HERC3: variants seen among roughly 807,000 people sequenced by gnomAD.
HERC3 encodes the protein probable E3 ubiquitin-protein ligase HERC3.
HERC3 carries 58 observed loss-of-function variants against 129.9 expected under a neutral mutation model. That is an observed-to-expected ratio of 0.45 (90% CI 0.36 to 0.56). HERC3 has a LOEUF of 0.56. Ranked by LOEUF, HERC3 falls within the 20% of genes least tolerant of loss-of-function variation. The probability of loss-of-function intolerance (pLI) is 0.00; values close to 1 mark genes in which losing one functional copy is unlikely to be tolerated. For synonymous variants in HERC3, 430 were observed against 451.0 expected (o/e 0.95, Z 0.59); for missense variants, 835 against 1,244.2 (o/e 0.67, Z 4.95).
the HERC3 span, among the ~76,000 whole-genome samples, chr4:88,570,388 G>A: frequency 6.6e-6 from 1 of 152,130 alleles, no homozygotes; most frequent in Non-Finnish European, 1.5e-5. Flanking sequence ...CTTAGTCAGA[G>A]GTTTACTATC....
intron 3 of HERC3, among the ~76,000 whole-genome samples, chr4:88,610,485 G>A (rs1023771512): frequency 7.4e-5 from 11 of 148,664 alleles, no homozygotes; most frequent in African/African-American, 1.7e-4. Flanking sequence ...CGCCTTACCC[G>A]TCTGGGAATA....
intron 3 of HERC3, among the ~76,000 whole-genome samples, chr4:88,613,191 C>T (rs1178194001): frequency 6.6e-6 from 1 of 152,182 alleles, no homozygotes; most frequent in Non-Finnish European, 1.5e-5. Context: ...TAATTTGACT[C>T]TGCTAAATTT....
intron 3 of HERC3, among the ~76,000 whole-genome samples, chr4:88,631,166 T>TA (rs1212623790): frequency 2.6e-5 from 4 of 152,168 alleles, no homozygotes; most frequent in Non-Finnish European, 5.9e-5. Flanking sequence ...AACTGAGAGG[T>TA]ACTACTCTGG....
At chr4:88,563,780 C>T in the HERC3 span, among the ~76,000 whole-genome samples, 99 of 151,954 alleles carry the variant, frequency 6.5e-4, no homozygotes, top group Non-Finnish European at 1.3e-3. Context: ...CTGCCTCAGC[C>T]TCCAAGTAGC....
intron 3 of HERC3, among the ~76,000 whole-genome samples, chr4:88,611,170 G>T (rs1047179983): frequency 2.6e-5 from 4 of 152,212 alleles, no homozygotes; most frequent in African/African-American, 7.2e-5. Flanking sequence ...ATAGCAGCTT[G>T]GAATAATGCC....
chr4:88,625,334 GTCTC>G (rs1487827374), intron 3 of HERC3, among the ~76,000 whole-genome samples: 4 of 152,046 alleles, frequency 2.6e-5, no homozygotes, highest in South Asian at 2.1e-4. Flanking sequence ...AACATGGTGT[GTCTC>G]TCTCTATATT....
chr4:88,602,053 C>G (rs1185432311), intron 2 of HERC3, among the ~76,000 whole-genome samples: 3 of 116,056 alleles, frequency 2.6e-5, no homozygotes, highest in Admixed American at 2.0e-4. Context: ...GAGACTCCGT[C>G]TCAAAAAAAA....
chr4:88,701,191 G>A (rs975470025), intron 23 of HERC3, among the ~76,000 whole-genome samples: 3 of 152,208 alleles, frequency 2.0e-5, no homozygotes, highest in Non-Finnish European at 4.4e-5. Context: ...TACGGTGTGA[G>A]AAACTTTCAG....
In HERC3 at chr4:88,689,581, C is replaced by CT. The variant is rs745365102; in HGVS notation, c.2657+2295dup. ...AGACTTCTTCTTCCATCCTTGACTA[C>CT]TTTTTTTTTTTTTCGAGACAGAGTC... On this transcript the variant is annotated intron_variant, in intron 23 of 25. Coordinates refer to ENST00000402738, the MANE Select transcript of HERC3 (RefSeq NM_014606.3). Among the ~76,000 whole-genome samples the CT allele has an allele frequency of 7.2e-3, 996 of 139,118 alleles. 4 individuals are homozygous for CT. Among genetic ancestry groups the CT allele is most frequent in the South Asian group, 0.018 (74 of 4,210 alleles). 91.3% of individuals were successfully genotyped at this position (139,118 alleles called of 152,430 possible).
intron 3 of HERC3, among the ~76,000 whole-genome samples, chr4:88,635,668 T>C (rs992629093): frequency 6.6e-6 from 1 of 151,972 alleles, no homozygotes; most frequent in Admixed American, 6.6e-5. Context: ...TAAGATACTC[T>C]ATGAGAAGAT....
At chr4:88,551,458 C>CGAT in the HERC3 span, among the ~76,000 whole-genome samples, 1 of 150,034 alleles carries the variant, frequency 6.7e-6, no homozygotes, top group South Asian at 2.1e-4. Flanking sequence ...ACAACCCCAT[C>CGAT]AAAAAGTGGG....
chr4:88,599,126 G>C (rs985971111), intron 2 of HERC3, among the ~76,000 whole-genome samples: 2 of 152,192 alleles, frequency 1.3e-5, no homozygotes, highest in Non-Finnish European at 2.9e-5. Context: ...GCTGAAACTA[G>C]ACCTTTAAAG....
chr4:88,582,461 C>A, the HERC3 span, among the ~76,000 whole-genome samples: 20 of 152,282 alleles, frequency 1.3e-4, no homozygotes, highest in African/African-American at 4.3e-4. Flanking sequence ...CTCTCTCTCT[C>A]CCTGACCTGC....
At chr4:88,697,872 C>T in intron 23 of HERC3, 2 of 1,397,398 alleles carry the variant, frequency 1.4e-6, no homozygotes, top group Non-Finnish European at 1.9e-6. Flanking sequence ...GCGGGAATGA[C>T]GTTGGCCGCG....
At chr4:88,556,465 T>G in the HERC3 span, among the ~76,000 whole-genome samples, 1 of 152,166 alleles carries the variant, frequency 6.6e-6, no homozygotes, top group African/African-American at 2.4e-5. Context: ...AAAAAGCAAT[T>G]TAGTTACATT....
the HERC3 span, among the ~76,000 whole-genome samples, chr4:88,536,024 T>C: frequency 6.6e-6 from 1 of 152,342 alleles, no homozygotes; most frequent in South Asian, 2.1e-4. Context: ...TGCACCTTGC[T>C]TTGCATGTAA....
At chr4:88,629,606 G>T (rs555724910) in intron 3 of HERC3, among the ~76,000 whole-genome samples, 1 of 152,150 alleles carries the variant, frequency 6.6e-6, no homozygotes, top group African/African-American at 2.4e-5. Context: ...AAGGCTGGTG[G>T]TATGTTATAA....
intron 3 of HERC3, among the ~76,000 whole-genome samples, chr4:88,648,440 C>T (rs934118661): frequency 1.3e-5 from 2 of 152,172 alleles, no homozygotes; most frequent in African/African-American, 4.8e-5. Flanking sequence ...CCCCTTGCCT[C>T]ACATTTCATT....
At chr4:88,658,329 A>G (rs546826164) in intron 9 of HERC3, 86 bp from the exon 10 acceptor site, 1 of 673,730 alleles carries the variant, frequency 1.5e-6, no homozygotes, top group Admixed American at 2.7e-5. Context: ...ACCCACTCTG[A>G]AGTGTATTCT....
Sources: allele counts gnomAD v4.1 joint callset (sites outside exome capture counted in the v4.1 genomes callset), GRCh38; gene constraint gnomAD v4.1.1; transcripts MANE v1.5; gene names NCBI Gene and HGNC (gene_info 2026-07-23, HGNC 2026-07-21).